TRNAU1AP: variants seen among roughly 807,000 people sequenced by gnomAD.
The protein encoded by TRNAU1AP is tRNA selenocysteine 1 associated protein 1.
TRNAU1AP carries 33 observed loss-of-function variants against 43.3 expected under a neutral mutation model. That is an observed-to-expected ratio of 0.76 (90% CI 0.58 to 1.02). The LOEUF (loss-of-function observed/expected upper bound fraction) is 1.02. Ranked by LOEUF, TRNAU1AP falls within the 50% of genes least tolerant of loss-of-function variation. The pLI, the probability that TRNAU1AP is intolerant of heterozygous loss-of-function variation, is 0.00. For synonymous variants in TRNAU1AP, 143 were observed against 129.1 expected (o/e 1.11, Z -0.73); for missense variants, 290 against 362.7 (o/e 0.80, Z 1.63).
At chr1:28,554,739 G>A (rs1053774018) in intron 2 of TRNAU1AP, among the ~76,000 whole-genome samples, 1 of 151,872 alleles carries the variant, frequency 6.6e-6, no homozygotes, top group African/African-American at 2.4e-5. Flanking sequence ...AGCTACTTGG[G>A]GGGCTGAGGC....
chr1:28,575,154 T>C (rs1331820159), intron 8 of TRNAU1AP, among the ~76,000 whole-genome samples: 1 of 152,138 alleles, frequency 6.6e-6, no homozygotes, highest in Non-Finnish European at 1.5e-5. Flanking sequence ...CTCTTTTTAA[T>C]CCTTTTTTTG....
At chr1:28,562,007 A>G (rs555788932) in intron 4 of TRNAU1AP, among the ~76,000 whole-genome samples, 1 of 152,250 alleles carries the variant, frequency 6.6e-6, no homozygotes, top group East Asian at 1.9e-4. Context: ...AGGGAGGGCT[A>G]CAATGATCAA....
chr1:28,577,880 A>G lies in TRNAU1AP; in HGVS notation c.*244A>G, dbSNP rs1000782060. On this transcript the variant is annotated 3_prime_UTR_variant, in exon 9 of 9. Transcript: ENST00000373830. ...ACAGGAATCCTTTGTCCAGGTAGTTATCCACATAGGACAGTTTGGGATTAT... is the reference window on the plus strand; with the variant it reads ...ACAGGAATCCTTTGTCCAGGTAGTTGTCCACATAGGACAGTTTGGGATTAT... The G allele has an allele frequency of 6.6e-6, 3 of 457,378 alleles. No individual in the cohort carries two copies. The highest frequency in any genetic ancestry group is 1.2e-5 in the Non-Finnish European group (3 of 253,018). 28.3% of individuals were successfully genotyped at this position (457,378 alleles called of 1,614,324 possible).
intron 2 of TRNAU1AP, among the ~76,000 whole-genome samples, chr1:28,559,881 C>T (rs188659714): frequency 3.9e-5 from 6 of 152,150 alleles, no homozygotes; most frequent in South Asian, 2.1e-4. Context: ...CCTGTAATCC[C>T]GGAACTTTGG....
intron 2 of TRNAU1AP, among the ~76,000 whole-genome samples, chr1:28,560,079 C>G (rs1228649845): frequency 6.6e-6 from 1 of 152,066 alleles, no homozygotes; most frequent in Non-Finnish European, 1.5e-5. Context: ...TTATAGTGAG[C>G]TGAGATCGAG....
chr1:28,560,844 C>G (rs1231146069), intron 3 of TRNAU1AP, 112 bp downstream of exon 3: 1 of 984,206 alleles, frequency 1.0e-6, no homozygotes, highest in Non-Finnish European at 1.5e-6. Context: ...CAACCCTTTA[C>G]AGTAGGCATT....
At chr1:28,559,758 C>G (rs549586842) in intron 2 of TRNAU1AP, among the ~76,000 whole-genome samples, 2 of 152,116 alleles carry the variant, frequency 1.3e-5, no homozygotes, top group Non-Finnish European at 1.5e-5. Flanking sequence ...GTTATTAGAT[C>G]TAAAGTCTTG....
intron 2 of TRNAU1AP, among the ~76,000 whole-genome samples, chr1:28,559,601 A>G (rs1435867545): frequency 1.3e-5 from 2 of 151,990 alleles, no homozygotes; most frequent in Non-Finnish European, 2.9e-5. Flanking sequence ...TGGAGGTTGC[A>G]GTGAGCCAAG....
intron 6 of TRNAU1AP, among the ~76,000 whole-genome samples, chr1:28,569,003 G>A (rs1294561254): frequency 2.0e-5 from 3 of 151,940 alleles, no homozygotes; most frequent in African/African-American, 4.8e-5. Flanking sequence ...GTAGAGACAG[G>A]GTTTCACATG....
chr1:28,561,444 G>C (rs1303506305), intron 4 of TRNAU1AP, 46 bp downstream of exon 4: 1 of 1,609,110 alleles, frequency 6.2e-7, no homozygotes. Flanking sequence ...GTGTCACTGT[G>C]CCTGTCACTG....
intron 4 of TRNAU1AP, among the ~76,000 whole-genome samples, chr1:28,562,065 AGAGT>A (rs1387122583): frequency 6.6e-6 from 1 of 152,248 alleles, no homozygotes; most frequent in African/African-American, 2.4e-5. Flanking sequence ...CCTGGGCAAC[AGAGT>A]GAGACCCTGT....
rs1665657648 is a variant in TRNAU1AP, at chr1:28,571,331, C to T, written c.686C>T (p.Thr229Ile). The T allele has an allele frequency of 6.2e-7, 1 of 1,613,798 alleles. No homozygotes were observed. The highest frequency in any genetic ancestry group is 2.2e-5 in the East Asian group (1 of 44,878). ...SYPQYGYTQS[T>I]MQTYEEVGDD... The stretch of plus-strand genomic sequence containing the variant: ...CCCCAGTATGGCTATACCCAGAGCA[C>T]CATGCAGGTAACCATGACTTGGCAA... Residue 229 changes from threonine (T) to isoleucine (I), a missense_variant, in exon 7 of 9, where the codon ACC becomes ATC. This residue lies in a region of TRNAU1AP where 174 missense variants were observed against 262.1 expected (regional missense o/e 0.66). Coordinates refer to ENST00000373830, the MANE Select transcript of TRNAU1AP (RefSeq NM_017846.5).
At chr1:28,574,307 C>T (rs538608960) in intron 8 of TRNAU1AP, among the ~76,000 whole-genome samples, 4 of 151,822 alleles carry the variant, frequency 2.6e-5, no homozygotes, top group African/African-American at 4.8e-5. Flanking sequence ...AGGCTGGTTT[C>T]GAACTCCTTA....
intron 2 of TRNAU1AP, among the ~76,000 whole-genome samples, chr1:28,559,662 G>GA (rs904261935): frequency 1.3e-4 from 19 of 146,578 alleles, no homozygotes; most frequent in Admixed American, 3.4e-4. Context: ...CTCGGTCTCA[G>GA]AAAAAAAAAA....
At chr1:28,570,831 T>C (rs895815976) in intron 6 of TRNAU1AP, among the ~76,000 whole-genome samples, 8 of 152,100 alleles carry the variant, frequency 5.3e-5, no homozygotes, top group African/African-American at 1.9e-4. Context: ...TTTGGGAGGC[T>C]GAGGCAGGCG....
At chr1:28,559,103 G>A (rs1258842927) in intron 2 of TRNAU1AP, among the ~76,000 whole-genome samples, 1 of 148,378 alleles carries the variant, frequency 6.7e-6, no homozygotes, top group African/African-American at 2.5e-5. Context: ...ACAGAGTCTT[G>A]TTCTGTCGCC....
chr1:28,572,406 G>C (rs1050042824), intron 8 of TRNAU1AP, among the ~76,000 whole-genome samples: 1 of 151,572 alleles, frequency 6.6e-6, no homozygotes. Flanking sequence ...ATGTTGGCTT[G>C]GCCGGTCTCA....
chr1:28,553,796 T>A (rs1570243532), intron 2 of TRNAU1AP, 59 bp downstream of exon 2: 2 of 1,456,586 alleles, frequency 1.4e-6, no homozygotes, highest in African/African-American at 2.8e-5. Context: ...TGTACGAGAA[T>A]GTAAACATCG....
chr1:28,554,712 CG>C (rs1665218486), intron 2 of TRNAU1AP, among the ~76,000 whole-genome samples: 1 of 151,840 alleles, frequency 6.6e-6, no homozygotes, highest in African/African-American at 2.4e-5. Context: ...GGCATGGTGG[CG>C]GGCACTTGTA....
Sources: gnomAD v4.1 joint callset for allele counts (sites outside exome capture counted in the v4.1 genomes callset) on GRCh38, gnomAD v4.1.1 for gene constraint, gnomAD v4.1.1 regional missense constraint, MANE v1.5 for transcripts, NCBI Gene and HGNC (gene_info 2026-07-23, HGNC 2026-07-21) for gene names.